The following COL4A2 variants were observed in gnomAD, a reference collection of about 807,000 sequenced individuals.
The protein encoded by COL4A2 is collagen type IV alpha 2 chain, also known as collagen alpha-2(IV) chain.
In COL4A2, 99 loss-of-function variants were observed where a neutral mutation model predicts 200.2. The ratio of observed to expected loss-of-function variants is 0.49; its 90% CI spans 0.42 to 0.58. The LOEUF is 0.58. Ranked by LOEUF, COL4A2 falls within the 20% of genes least tolerant of loss-of-function variation. The pLI, the probability that COL4A2 is intolerant of heterozygous loss-of-function variation, is 0.00. For missense variants in COL4A2, 1,950 were observed against 2,314.1 expected, an observed-to-expected ratio of 0.84 and a Z score of 3.23; for synonymous variants, 897 against 900.6, an observed-to-expected ratio of 1.00 and a Z score of 0.07.
At chr13:110,433,771 C>T (rs1880771236) in intron 11 of COL4A2, among the ~76,000 whole-genome samples, 2 of 152,318 alleles carry the variant, frequency 1.3e-5, no homozygotes, top group Admixed American at 6.5e-5. Context: ...ATGCACGAAT[C>T]TTAGAGGTCA....
intron 40 of COL4A2, 108 bp from the exon 41 acceptor site, chr13:110,501,560 C>T (rs562057735): frequency 4.8e-5 from 48 of 1,006,178 alleles, no homozygotes; most frequent in South Asian, 2.7e-4. Context: ...ATCACTGTCT[C>T]GCTCGCTAGG....
chr13:110,399,212 A>G (rs9521740), intron 4 of COL4A2, among the ~76,000 whole-genome samples: 89,908 of 152,054 alleles, frequency 0.59, 27,269 homozygotes, highest in Non-Finnish European at 0.67. Flanking sequence ...TCCGCACAGG[A>G]GCCCAAGGTT....
At chr13:110,380,044 T>C (rs1344863497) in intron 4 of COL4A2, among the ~76,000 whole-genome samples, 1 of 152,178 alleles carries the variant, frequency 6.6e-6, no homozygotes, top group African/African-American at 2.4e-5. Context: ...GCTAGTCCTG[T>C]TCTGAGAGGA....
chr13:110,364,343 C>G (rs1877649331), intron 4 of COL4A2, among the ~76,000 whole-genome samples: 1 of 152,168 alleles, frequency 6.6e-6, no homozygotes, highest in African/African-American at 2.4e-5. Context: ...CAACTGGGTC[C>G]CGTGATTATT....
intron 47 of COL4A2, among the ~76,000 whole-genome samples, chr13:110,510,977 GT>G (rs971625287): frequency 4.0e-5 from 6 of 151,636 alleles, no homozygotes; most frequent in African/African-American, 7.3e-5. Flanking sequence ...AGGTTTTTGG[GT>G]TTTTTTTTGT....
chr13:110,457,484 G>A (rs1414861271), intron 21 of COL4A2, 49 bp downstream of exon 21: 2 of 1,084,044 alleles, frequency 1.8e-6, no homozygotes, highest in Non-Finnish European at 2.9e-6. Context: ...GCCTTTCCAA[G>A]TCCCTCACCT....
In COL4A2 at chr13:110,491,277, G is replaced by A. The variant is rs374458070; in HGVS notation, c.3391G>A (p.Gly1131Ser). The change falls in exon 37 of 48, where the codon GGC becomes AGC. Residue 1131 changes from glycine to serine, a missense_variant. Gly to Ser is a moderately conservative substitution (Grantham distance 56). Around this residue, in one of 2 missense-constraint regions of COL4A2, gnomAD observed 1,385 missense variants for 1,720.5 expected, o/e 0.80. Coordinates refer to ENST00000360467, the MANE Select transcript of COL4A2 (RefSeq NM_001846.4). ...AGAGAAGGGAACAGAAGGTGACATC[G>A]GCTTCCCTGGGATAACAGGCGTGAC... ...FGEKGTEGDI[G>S]FPGITGVTGV... 6 of 1,601,030 alleles carry A rather than the reference G, an allele frequency of 3.7e-6. No individual in the cohort carries two copies. The highest frequency in any genetic ancestry group is 2.2e-5 in the East Asian group (1 of 44,486).
chr13:110,331,048 T>C (rs1052133595), intron 3 of COL4A2, among the ~76,000 whole-genome samples: 8 of 148,442 alleles, frequency 5.4e-5, no homozygotes, highest in Non-Finnish European at 1.5e-5. Context: ...TAATATTTTT[T>C]TCTTTCCATG....
At chr13:110,338,368 G>T (rs539042100) in intron 3 of COL4A2, among the ~76,000 whole-genome samples, 1 of 147,974 alleles carries the variant, frequency 6.8e-6, no homozygotes, top group South Asian at 2.1e-4. Flanking sequence ...GAGGAGAGAG[G>T]CACAGTTACT....
In COL4A2 at chr13:110,480,220, G is replaced by T; in HGVS notation, c.2588G>T (p.Gly863Val). The T allele has an allele frequency of 6.3e-7, 1 of 1,596,828 alleles. No individual in the cohort carries two copies. Among genetic ancestry groups the T allele is most frequent in the East Asian group, 2.2e-5 (1 of 44,524 alleles). Residue 863 changes from glycine (G) to valine (V), a missense_variant and splice_region_variant, in exon 31 of 48, where the codon GGT (glycine) becomes GTT (valine). This residue lies in a region of COL4A2 where 1,385 missense variants were observed against 1,720.5 expected (regional missense o/e 0.80). Transcript: ENST00000360467. ...LGLPGIPGRE[G>V]LPGDRGDPGD... ...TTTGATTTGCTCCTCTTCCTGACAG[G>T]TCTGCCTGGTGATAGAGGGGACCCT...
chr13:110,430,554 G>A lies in COL4A2; in HGVS notation c.595G>A (p.Gly199Ser), dbSNP rs750358950. The A allele has an allele frequency of 2.0e-5, 32 of 1,614,036 alleles. No homozygotes were observed. Among genetic ancestry groups the A allele is most frequent in the African/African-American group, 1.3e-4 (10 of 74,900 alleles). Residue 199 changes from glycine (G) to serine (S), a missense_variant, in exon 10 of 48, where the codon GGC becomes AGC. By Grantham distance (56) the Gly-to-Ser change is moderately conservative. Coordinates refer to ENST00000360467, the MANE Select transcript of COL4A2 (RefSeq NM_001846.4). ...CGCTGCCTATCCATAGGGACCTCCC[G>A]GCCGCCCTGGGCATGTGGGACAGAT... The part of the protein sequence containing the change: ...PGLVGFQGPP[G>S]RPGHVGQMGP...
At chr13:110,501,266 A>G (rs1276395988) in intron 40 of COL4A2, among the ~76,000 whole-genome samples, 1 of 152,226 alleles carries the variant, frequency 6.6e-6, no homozygotes, top group African/African-American at 2.4e-5. Context: ...CTCATTTGCA[A>G]TTTTTCAACC....
chr13:110,423,972 C>A (rs1326396171), intron 4 of COL4A2, among the ~76,000 whole-genome samples: 2 of 152,130 alleles, frequency 1.3e-5, no homozygotes, highest in Admixed American at 6.5e-5. Context: ...GAGTGGTTTC[C>A]ACCTTTTGGC....
chr13:110,421,793 A>G (rs74124310), intron 4 of COL4A2, among the ~76,000 whole-genome samples: 197 of 152,354 alleles, frequency 1.3e-3, no homozygotes, highest in African/African-American at 4.5e-3. Context: ...TTCATTCCAA[A>G]GTCAGACTCC....
At chr13:110,477,612 T>G (rs1341354221) in intron 29 of COL4A2, among the ~76,000 whole-genome samples, 1 of 152,244 alleles carries the variant, frequency 6.6e-6, no homozygotes, top group African/African-American at 2.4e-5. Flanking sequence ...ATACATTCAA[T>G]GTGTCCAGAT....
intron 4 of COL4A2, among the ~76,000 whole-genome samples, chr13:110,359,673 C>T (rs533600731): frequency 1.3e-5 from 2 of 152,314 alleles, no homozygotes; most frequent in Admixed American, 1.3e-4. Context: ...GCTTGGCCTC[C>T]AGGGCTGAGG....
At chr13:110,482,266 C>G (rs1882960692) in intron 31 of COL4A2, among the ~76,000 whole-genome samples, 1 of 152,234 alleles carries the variant, frequency 6.6e-6, no homozygotes. Flanking sequence ...GCCTTCCTGC[C>G]TGATCTTTGT....
intron 14 of COL4A2, 165 bp from the exon 15 acceptor site, chr13:110,438,453 C>A: frequency 3.2e-6 from 3 of 932,710 alleles, no homozygotes; most frequent in South Asian, 1.3e-5. Context: ...GGCGGGTCTC[C>A]TAGGACCGTG....
chr13:110,352,067 C>G (rs1876983380), intron 3 of COL4A2, among the ~76,000 whole-genome samples: 1 of 152,134 alleles, frequency 6.6e-6, no homozygotes, highest in South Asian at 2.1e-4. Context: ...CACTCCAACT[C>G]AGGATGTTCC....
Sources: allele counts gnomAD v4.1 joint callset (sites outside exome capture counted in the v4.1 genomes callset), GRCh38; gene constraint gnomAD v4.1.1; regional missense constraint gnomAD v4.1.1; transcripts MANE v1.5; gene names NCBI Gene and HGNC (gene_info 2026-07-23, HGNC 2026-07-21).